ASRGL1: variants seen among roughly 807,000 people sequenced by gnomAD.
ASRGL1 encodes the protein isoaspartyl peptidase/L-asparaginase.
Under a neutral mutation model 22.4 loss-of-function variants are expected in ASRGL1, and 16 were observed. That is an observed-to-expected ratio of 0.71 (90% CI 0.48 to 1.08). The LOEUF (loss-of-function observed/expected upper bound fraction) is 1.08, where lower values mean the gene tolerates loss of function less well. Among genes scored for constraint, ASRGL1 ranks in the 50% least tolerant of loss-of-function variants. ASRGL1 has a pLI of 0.00. For synonymous variants in ASRGL1, 165 were observed against 159.3 expected, an observed-to-expected ratio of 1.04 and a Z score of -0.27; for missense variants, 412 against 410.1, an observed-to-expected ratio of 1.00 and a Z score of -0.04.
chr11:62,367,523 A>T (rs1204619931), intron 4 of ASRGL1, among the ~76,000 whole-genome samples: 1 of 151,898 alleles, frequency 6.6e-6, no homozygotes, highest in Non-Finnish European at 1.5e-5. Flanking sequence ...GCATGCCTGT[A>T]ATTCCAGCTA....
the ASRGL1 span, among the ~76,000 whole-genome samples, chr11:62,398,726 C>T: frequency 6.6e-6 from 1 of 152,264 alleles, no homozygotes; most frequent in African/African-American, 2.4e-5. Context: ...GACCTCACCC[C>T]AGATCTGGCC....
At chr11:62,347,109 C>A (rs1946045841) in intron 2 of ASRGL1, among the ~76,000 whole-genome samples, 1 of 152,140 alleles carries the variant, frequency 6.6e-6, no homozygotes, top group Non-Finnish European at 1.5e-5. Flanking sequence ...TCTCATGTAA[C>A]CTTTGAGCAT....
intron 4 of ASRGL1, among the ~76,000 whole-genome samples, chr11:62,388,189 A>G (rs964397671): frequency 6.6e-6 from 1 of 152,270 alleles, no homozygotes; most frequent in Non-Finnish European, 1.5e-5. Flanking sequence ...ATAGAGGATT[A>G]TAATCTCATG....
rs185311164 is a variant in ASRGL1 at position 62,371,477 on chromosome 11, C to G, written c.491+14333C>G. 6 of 632,418 alleles carry G rather than the reference C, an allele frequency of 9.5e-6. No homozygotes were observed. The South Asian group carries it at 1.1e-4, about 11-fold the overall frequency. 39.2% of individuals were successfully genotyped at this position (632,418 alleles called of 1,614,324 possible). A position where few individuals can be genotyped will look rare whatever the true frequency, so the allele number is the denominator to read the frequency against. ...TTTAATGGATTTAGGGCTGTGCAGG[C>G]TGTGCTTTGTTAAAAAAGCGCTTGA... On this transcript the variant is annotated intron_variant, in intron 4 of 6. Transcript: ENST00000415229.
chr11:62,357,254 G>GTTTTGTTTTGTT (rs1555001745), intron 4 of ASRGL1, 110 bp downstream of exon 4: 1 of 1,216,540 alleles, frequency 8.2e-7, no homozygotes, highest in East Asian at 2.6e-5. Flanking sequence ...GTTTTGTTTT[G>GTTTTGTTTTGTT]TTTTGTTTTG....
At chr11:62,379,090 G>T (rs1354198874) in intron 4 of ASRGL1, among the ~76,000 whole-genome samples, 1 of 152,138 alleles carries the variant, frequency 6.6e-6, no homozygotes, top group African/African-American at 2.4e-5. Flanking sequence ...CACAGATGAA[G>T]TAATCATTGG....
intron 4 of ASRGL1, among the ~76,000 whole-genome samples, chr11:62,386,485 T>TCATAC (rs1555009083): frequency 7.7e-5 from 11 of 141,954 alleles, no homozygotes; most frequent in East Asian, 2.0e-4. Flanking sequence ...TATGTACATA[T>TCATAC]ATATGTACAT....
At chr11:62,399,384 G>A in the ASRGL1 span, among the ~76,000 whole-genome samples, 7 of 152,320 alleles carry the variant, frequency 4.6e-5, no homozygotes, top group South Asian at 2.1e-4. Flanking sequence ...CAGCCAGTTC[G>A]TGTGATTGCA....
At chr11:62,383,362 G>C (rs1375203262) in intron 4 of ASRGL1, 1 of 151,944 alleles carries the variant, frequency 6.6e-6, no homozygotes, top group African/African-American at 2.4e-5. Flanking sequence ...CCAGCACTTT[G>C]GGAGGCCGAG....
At chr11:62,364,670 A>G (rs1946566840) in intron 4 of ASRGL1, among the ~76,000 whole-genome samples, 1 of 152,234 alleles carries the variant, frequency 6.6e-6, no homozygotes, top group African/African-American at 2.4e-5. Context: ...TGGTAGGAAA[A>G]GGAGGAGATC....
rs1484578644 is a variant in ASRGL1 at position 62,357,221 on chromosome 11, G to GTTGTTTTGTTTTGTTTTGTT, written c.491+79_491+80insGTTTTGTTTTGTTTTGTTTT. 4 of 645,828 alleles carry GTTGTTTTGTTTTGTTTTGTT rather than the reference G, an allele frequency of 6.2e-6. No homozygotes were observed. The African/African-American group carries it at 1.4e-4, about 22-fold the overall frequency. The allele number at this position is 645,828 out of a possible 1,614,324, so 40.0% of individuals were successfully genotyped here. A position where few individuals can be genotyped will look rare whatever the true frequency, so the allele number is the denominator to read the frequency against. On this transcript the variant is annotated intron_variant, in intron 4 of 6. Transcript: ENST00000415229. ...TTTGGCAAATACCTGGTTATCTACA[G>GTTGTTTTGTTTTGTTTTGTT]TTCTTTTGTTTTGTTTTGTTTTGTT...
In ASRGL1 at chr11:62,337,983, TC is replaced by T; in HGVS notation, c.9del (p.Ile4SerfsTer2). The T allele has an allele frequency of 6.3e-7, 1 of 1,597,590 alleles. No homozygotes were observed. The highest frequency in any genetic ancestry group is 8.5e-7 in the Non-Finnish European group (1 of 1,172,392). The stretch of plus-strand genomic sequence containing the variant: ...GCTGCCTAGGATCCGCCGACATGAA[TC>T]CCATCGTAGTGGTCCACGGCGGCGG... MN[P>X]IVVVHGGGAG... On this transcript the variant is annotated frameshift_variant, in exon 2 of 7. Transcript: ENST00000415229. LOFTEE classifies it high-confidence loss of function.
intron 2 of ASRGL1, among the ~76,000 whole-genome samples, chr11:62,349,440 A>G (rs1946116291): frequency 6.6e-6 from 1 of 152,160 alleles, no homozygotes; most frequent in Non-Finnish European, 1.5e-5. Context: ...CACTGCCATA[A>G]TTTTCTCACT....
intron 4 of ASRGL1, among the ~76,000 whole-genome samples, chr11:62,365,717 G>A (rs193252876): frequency 6.6e-6 from 1 of 152,218 alleles, no homozygotes; most frequent in Admixed American, 6.5e-5. Flanking sequence ...GGGTGTGGTG[G>A]CACGCACCTG....
In ASRGL1 at chr11:62,343,642, C is replaced by T. The variant is rs527699596; in HGVS notation, c.190+5475C>T. ...ACTCGGGATGCTGAGGCAGGAGAAT[C>T]GCTTGAACCTGGGAGGCAGAGGTTG... On this transcript the variant is annotated intron_variant, in intron 2 of 6. Coordinates refer to ENST00000415229, the MANE Select transcript of ASRGL1 (RefSeq NM_001083926.2). 5.6e-4 allele frequency among the ~76,000 whole-genome samples: 84 copies of T among 149,032 alleles called. 1 individual carries two copies. Among genetic ancestry groups the T allele is most frequent in the Admixed American group, 5.5e-3 (80 of 14,594 alleles).
chr11:62,373,089 C>T, intron 4 of ASRGL1: 1 of 1,467,018 alleles, frequency 6.8e-7, no homozygotes, highest in Non-Finnish European at 9.5e-7. Context: ...GGGCTACTCA[C>T]ACTCCTTGGT....
rs1276287421 is a variant in ASRGL1 at position 62,362,756 on chromosome 11, A to G, written c.491+5612A>G. 1.2e-3 allele frequency among the ~76,000 whole-genome samples: 131 copies of G among 106,394 alleles called. 2 individuals are homozygous for G. Among genetic ancestry groups the G allele is most frequent in the African/African-American group, 4.6e-3 (126 of 27,398 alleles). 69.8% of individuals were successfully genotyped at this position (106,394 alleles called of 152,430 possible). On this transcript the variant is annotated intron_variant, in intron 4 of 6. Transcript: ENST00000415229. ...AATATAATATATATTATATATATAAATTTATATATATAAATTTAAATTTTT... is the reference window on the plus strand; with the variant it reads ...AATATAATATATATTATATATATAAGTTTATATATATAAATTTAAATTTTT...
chr11:62,353,692 T>C (rs1033622230), intron 2 of ASRGL1, among the ~76,000 whole-genome samples: 4 of 152,206 alleles, frequency 2.6e-5, no homozygotes, highest in South Asian at 4.1e-4. Context: ...CTGTGTCATC[T>C]TGGTATTGTC....
downstream of ASRGL1, among the ~76,000 whole-genome samples, chr11:62,393,812 G>A (rs562996348): frequency 1.3e-4 from 19 of 151,896 alleles, no homozygotes; most frequent in Admixed American, 4.6e-4. Context: ...CTCAGCTCTG[G>A]AGGCTAAAAG....
Sources: gnomAD v4.1 joint callset for allele counts (sites outside exome capture counted in the v4.1 genomes callset) on GRCh38, gnomAD v4.1.1 for gene constraint, MANE v1.5 for transcripts, NCBI Gene and HGNC (gene_info 2026-07-23, HGNC 2026-07-21) for gene names.